SRC: variants seen among roughly 807,000 people sequenced by gnomAD.
SRC encodes the protein proto-oncogene tyrosine-protein kinase Src.
SRC carries 13 observed loss-of-function variants against 62.9 expected under a neutral mutation model. The ratio of observed to expected loss-of-function variants is 0.21; its 90% CI spans 0.13 to 0.33. The LOEUF (loss-of-function observed/expected upper bound fraction) is 0.33, where lower values mean the gene tolerates loss of function less well. Ranked by LOEUF, SRC falls within the 10% of genes least tolerant of loss-of-function variation. SRC has a pLI of 1.00. For synonymous variants in SRC, 302 were observed against 317.5 expected, an observed-to-expected ratio of 0.95 and a Z score of 0.52; for missense variants, 457 against 737.3, an observed-to-expected ratio of 0.62 and a Z score of 4.40.
chr20:37,384,550 T>TGGGGGGGGGGG lies in SRC; in HGVS notation c.250+154_250+155insGGGGGGGGGGG. Reference sequence around the variant, plus strand: ...CTGGGTGACTTGGGTGTCCGGGGGGTGGGGGGGCGGCCGTACACACTGTGA... The same window carrying TGGGGGGGGGGG: ...CTGGGTGACTTGGGTGTCCGGGGGGTGGGGGGGGGGGGGGGGGGCGGCCGTACACACTGTGA... On this transcript the variant is annotated intron_variant, in intron 4 of 13. Coordinates refer to ENST00000373578, the MANE Select transcript of SRC (RefSeq NM_198291.3). The surrounding 1 kb of genome is among the most constrained non-coding windows in gnomAD (Gnocchi z 6.7). 6 of 162,636 alleles carry TGGGGGGGGGGG rather than the reference T, an allele frequency of 3.7e-5. No homozygotes were observed. The highest frequency in any genetic ancestry group is 4.5e-5 in the Non-Finnish European group (5 of 111,798). The allele number at this position is 162,636 out of a possible 1,614,324, so 10.1% of individuals were successfully genotyped here.
Position 37,393,946 on chromosome 20 carries a change from C to T in SRC, c.402C>T (p.Tyr134=), listed in dbSNP as rs1384769783. Reference sequence around the variant, plus strand: ...CGCTCAGCACAGGACAGACAGGCTACATCCCCAGCAACTACGTGGCGCCCT... The same window carrying T: ...CGCTCAGCACAGGACAGACAGGCTATATCCCCAGCAACTACGTGGCGCCCT... ...AHSLSTGQTG[Y]IPSNYVAPSD... is the part of the protein sequence containing the mutation. The change falls in exon 6 of 14, where the codon TAC becomes TAT. Residue 134 remains tyrosine (Y), a synonymous_variant. Transcript: ENST00000373578. 1.2e-6 allele frequency: 2 copies of T among 1,614,088 alleles called. No homozygotes were observed. Among genetic ancestry groups the T allele is most frequent in the Middle Eastern group, 1.6e-4 (1 of 6,062 alleles).
intron 2 of SRC, among the ~76,000 whole-genome samples, chr20:37,373,377 T>TACATTATACACATATATGC (rs1191516080): frequency 5.4e-5 from 8 of 147,692 alleles, no homozygotes; most frequent in Non-Finnish European, 1.2e-4. Context: ...CACATATATG[T>TACATTATACACATATATGC]ACATTATACA....
rs563433871 is a variant in SRC at position 37,365,662 on chromosome 20, G to A, written c.-173+385G>A. Among the ~76,000 whole-genome samples the A allele has an allele frequency of 9.7e-4, 147 of 151,872 alleles. 1 individual carries two copies. The highest frequency in any genetic ancestry group is 1.7e-3 in the Non-Finnish European group (116 of 67,978). ...GTGCAGTGTCACAATCATGCTCACC[G>A]TAGCTTCGAAATCCTGGGCTCAAAC... On this transcript the variant is annotated intron_variant, in intron 2 of 13. Coordinates refer to ENST00000373578, the MANE Select transcript of SRC (RefSeq NM_198291.3).
intron 1 of SRC, among the ~76,000 whole-genome samples, chr20:37,363,631 G>A (rs954750932): frequency 2.8e-4 from 42 of 152,220 alleles, no homozygotes; most frequent in Admixed American, 2.6e-3. Context: ...CCCCGGGCGG[G>A]AGGATGTGAA....
upstream of SRC, among the ~76,000 whole-genome samples, chr20:37,345,969 G>T (rs529411779): frequency 6.7e-4 from 101 of 151,500 alleles, no homozygotes; most frequent in African/African-American, 2.3e-3. Context: ...GGTCACCGGC[G>T]GGGAATCCGT....
rs139551868 is a variant in SRC, at chr20:37,394,915, C to CGT, written c.553+650_553+651dup. Reference sequence around the variant, plus strand: ...TGTGCATGCTGTGTGTACATCTGGGCGTGTGTGTGTGTGCATGTGGGGTGG... The same window carrying CGT: ...TGTGCATGCTGTGTGTACATCTGGGCGTGTGTGTGTGTGTGCATGTGGGGTGG... On this transcript the variant is annotated intron_variant, in intron 7 of 13. Transcript: ENST00000373578. 3.4e-3 allele frequency among the ~76,000 whole-genome samples: 521 copies of CGT among 151,748 alleles called. 7 individuals carry two copies. The highest frequency in any genetic ancestry group is 0.012 in the African/African-American group (497 of 41,352).
intron 1 of SRC, among the ~76,000 whole-genome samples, chr20:37,348,295 G>T (rs545105638): frequency 6.6e-6 from 1 of 152,266 alleles, no homozygotes; most frequent in South Asian, 2.1e-4. Flanking sequence ...GTGACCAGGG[G>T]GGTGGGGTGG....
intron 5 of SRC, among the ~76,000 whole-genome samples, chr20:37,390,699 G>T (rs953451987): frequency 6.6e-6 from 1 of 152,012 alleles, no homozygotes; most frequent in Admixed American, 6.6e-5. Flanking sequence ...GCCACCGTGC[G>T]CTGTCTGTTC....
In SRC at chr20:37,397,579, G is replaced by A; in HGVS notation, c.704-120G>A. On this transcript the variant is annotated intron_variant, in intron 8 of 13. Transcript: ENST00000373578. This position sits in a 1 kb window ranked among gnomAD's most constrained non-coding sequence, Gnocchi z 4.1. ...ACAGATGTAGATGCCTGGCTTTGAG[G>A]GCACCCTGCGTGTCCCCTGAAATCT... 7.4e-7 allele frequency: 1 copy of A among 1,353,782 alleles called. No individual in the cohort carries two copies. The highest frequency in any genetic ancestry group is 1.6e-5 in the South Asian group (1 of 64,094). The allele number at this position is 1,353,782 out of a possible 1,614,324, so 83.9% of individuals were successfully genotyped here.
Position 37,404,778 on chromosome 20 carries a change from G to T in SRC, c.*1399G>T, listed in dbSNP as rs1005150987. The T allele has an allele frequency of 8.6e-5, 20 of 233,384 alleles. No homozygotes were observed. The highest frequency in any genetic ancestry group is 3.5e-4 in the African/African-American group (16 of 45,346). 14.5% of individuals were successfully genotyped at this position (233,384 alleles called of 1,614,324 possible). A position where few individuals can be genotyped will look rare whatever the true frequency, so the allele number is the denominator to read the frequency against. ...CATCAGGAGACTGGGCTCTGGCTCT[G>T]TTCGGCCTTTGGGTGTGTGGTGGAT... On this transcript the variant is annotated 3_prime_UTR_variant, in exon 14 of 14. Transcript: ENST00000373578.
At chr20:37,366,902 TA>T (rs2070071283) in intron 2 of SRC, among the ~76,000 whole-genome samples, 1 of 152,192 alleles carries the variant, frequency 6.6e-6, no homozygotes, top group Admixed American at 6.5e-5. Context: ...GTAGAATTGC[TA>T]GATCATATGG....
intron 2 of SRC, among the ~76,000 whole-genome samples, chr20:37,372,926 T>C (rs2070189690): frequency 6.6e-6 from 1 of 152,122 alleles, no homozygotes; most frequent in Admixed American, 6.6e-5. Flanking sequence ...GATTTATCAT[T>C]TAAAAAATGG....
At chr20:37,357,420 C>T (rs766971219) in intron 1 of SRC, among the ~76,000 whole-genome samples, 3 of 152,354 alleles carry the variant, frequency 2.0e-5, no homozygotes, top group Non-Finnish European at 4.4e-5. Flanking sequence ...TCCATCCATC[C>T]ATCCATCCAT....
intron 1 of SRC, among the ~76,000 whole-genome samples, 196 bp from the exon 2 acceptor site, chr20:37,365,008 A>G (rs2070039535): frequency 6.6e-6 from 1 of 151,904 alleles, no homozygotes. Flanking sequence ...TCCTTGGAAC[A>G]CTTGCTCTGA....
At chr20:37,392,872 C>T (rs2070574609) in intron 5 of SRC, among the ~76,000 whole-genome samples, 1 of 152,098 alleles carries the variant, frequency 6.6e-6, no homozygotes, top group Non-Finnish European at 1.5e-5. Context: ...CGCTCTCTCC[C>T]CTGCTCTTTC....
In SRC at chr20:37,352,215, C is replaced by A. The variant is rs568220307; in HGVS notation, c.-247+5960C>A. On this transcript the variant is annotated intron_variant, in intron 1 of 13. Transcript: ENST00000373578. ...GCTTTGACAAGATGGCATGAAGATC[C>A]GATGAGCCAATGTGTGCCAAGTGCT... Among the ~76,000 whole-genome samples, 15 of 152,308 alleles carry A rather than the reference C, an allele frequency of 9.8e-5. No individual in the cohort carries two copies. In the East Asian group the frequency reaches 2.7e-3, roughly 27 times the overall value.
chr20:37,352,926 G>A (rs1168230931), intron 1 of SRC, among the ~76,000 whole-genome samples: 1 of 152,162 alleles, frequency 6.6e-6, no homozygotes, highest in Non-Finnish European at 1.5e-5. Context: ...ACACCCTGCC[G>A]GTCCCACTGA....
At chr20:37,392,745 G>A (rs1323098479) in intron 5 of SRC, among the ~76,000 whole-genome samples, 2 of 152,152 alleles carry the variant, frequency 1.3e-5, no homozygotes, top group South Asian at 2.1e-4. Context: ...AGGTCTCCCT[G>A]CCCATTGACC....
chr20:37,386,119 A>T lies in SRC; in HGVS notation c.295A>T (p.Thr99Ser). The T allele has an allele frequency of 6.2e-7, 1 of 1,614,180 alleles. No individual in the cohort carries two copies. Among genetic ancestry groups the T allele is most frequent in the Non-Finnish European group, 8.5e-7 (1 of 1,180,020 alleles). The change falls in exon 5 of 14, where the codon ACG becomes TCG. Residue 99 changes from threonine (T) to serine (S), a missense_variant. Coordinates refer to ENST00000373578, the MANE Select transcript of SRC (RefSeq NM_198291.3). ...FVALYDYESR[T>S]ETDLSFKKGE... ...GGCCCTCTATGACTATGAGTCTAGGACGGAGACAGACCTGTCCTTCAAGAA... is the reference window on the plus strand; with the variant it reads ...GGCCCTCTATGACTATGAGTCTAGGTCGGAGACAGACCTGTCCTTCAAGAA...
Sources: allele counts gnomAD v4.1 joint callset (sites outside exome capture counted in the v4.1 genomes callset), GRCh38; gene constraint gnomAD v4.1.1; non-coding constraint Gnocchi (gnomAD v3.1); transcripts MANE v1.5; gene names NCBI Gene and HGNC (gene_info 2026-07-23, HGNC 2026-07-21).